Variants in PTPRG observed in about 807,000 individuals in gnomAD.
The protein encoded by PTPRG is receptor-type tyrosine-protein phosphatase gamma.
A neutral mutation model predicts 165.3 loss-of-function variants in PTPRG; 102 were observed. The ratio of observed to expected loss-of-function variants is 0.62; its 90% CI spans 0.53 to 0.73. The LOEUF (loss-of-function observed/expected upper bound fraction) is 0.73. Ranked by LOEUF, PTPRG falls within the 30% of genes least tolerant of loss-of-function variation. PTPRG has a pLI of 0.00. For missense variants in PTPRG, 1,866 were observed against 1,861.4 expected, an observed-to-expected ratio of 1.00 and a Z score of -0.05; for synonymous variants, 675 against 669.5, an observed-to-expected ratio of 1.01 and a Z score of -0.13.
At chr3:61,961,328 T>C (rs1336679004) in intron 2 of PTPRG, among the ~76,000 whole-genome samples, 1 of 152,212 alleles carries the variant, frequency 6.6e-6, no homozygotes, top group African/African-American at 2.4e-5. Flanking sequence ...GGTTGAAGTA[T>C]TAGGGACAGG....
chr3:62,000,318 A>G (rs2041143124), intron 3 of PTPRG, among the ~76,000 whole-genome samples: 1 of 151,080 alleles, frequency 6.6e-6, no homozygotes, highest in African/African-American at 2.4e-5. Flanking sequence ...CCAATTTGAT[A>G]GACTCCAAAT....
intron 2 of PTPRG, among the ~76,000 whole-genome samples, chr3:61,799,683 T>G (rs1024202377): frequency 6.6e-6 from 1 of 152,196 alleles, no homozygotes; most frequent in Non-Finnish European, 1.5e-5. Flanking sequence ...TCAACACAAT[T>G]TATGACCTTG....
chr3:61,988,137 C>A (rs957667480), intron 2 of PTPRG, among the ~76,000 whole-genome samples: 13 of 152,182 alleles, frequency 8.5e-5, no homozygotes, highest in African/African-American at 2.4e-4. Context: ...TGAACATGTT[C>A]ATTTGGATAG....
intron 2 of PTPRG, among the ~76,000 whole-genome samples, chr3:61,819,063 A>G (rs927168934): frequency 6.6e-6 from 1 of 152,226 alleles, no homozygotes; most frequent in African/African-American, 2.4e-5. Context: ...CTCTGTCACT[A>G]TAAGGAAAGG....
chr3:62,045,875 G>C (rs532321774), intron 4 of PTPRG, among the ~76,000 whole-genome samples: 1 of 152,184 alleles, frequency 6.6e-6, no homozygotes, highest in Non-Finnish European at 1.5e-5. Flanking sequence ...TCTTTGCATG[G>C]GCAAAGGTGA....
At chr3:62,174,951 C>G (rs982738352) in intron 8 of PTPRG, among the ~76,000 whole-genome samples, 1 of 152,130 alleles carries the variant, frequency 6.6e-6, no homozygotes, top group African/African-American at 2.4e-5. Flanking sequence ...TCAAAAATAA[C>G]TTTGATTTGT....
At chr3:61,811,653 C>T (rs144610770) in intron 2 of PTPRG, among the ~76,000 whole-genome samples, 1 of 152,268 alleles carries the variant, frequency 6.6e-6, no homozygotes, top group Non-Finnish European at 1.5e-5. Context: ...TTTCACAAAA[C>T]ACAACTTCAG....
chr3:61,733,556 A>G (rs2032602685), intron 1 of PTPRG, among the ~76,000 whole-genome samples: 1 of 152,242 alleles, frequency 6.6e-6, no homozygotes, highest in Admixed American at 6.5e-5. Context: ...GTGCTAAAGA[A>G]GCATTACCTA....
intron 1 of PTPRG, among the ~76,000 whole-genome samples, chr3:61,586,419 G>A (rs557888318): frequency 6.6e-6 from 1 of 152,330 alleles, no homozygotes; most frequent in Non-Finnish European, 1.5e-5. Context: ...GGCAACCAGT[G>A]AGCACCTTCC....
At chr3:61,985,018 A>G (rs958665067) in intron 2 of PTPRG, among the ~76,000 whole-genome samples, 1 of 152,234 alleles carries the variant, frequency 6.6e-6, no homozygotes, top group African/African-American at 2.4e-5. Flanking sequence ...CAGATGTCCA[A>G]GATAGCCATG....
intron 2 of PTPRG, among the ~76,000 whole-genome samples, chr3:61,815,024 G>T (rs1181539852): frequency 6.6e-6 from 1 of 151,924 alleles, no homozygotes; most frequent in Admixed American, 6.6e-5. Context: ...GGCTGCCTCA[G>T]ACTCAGGTTT....
chr3:61,729,873 A>G (rs578181411), intron 1 of PTPRG, among the ~76,000 whole-genome samples: 1 of 152,054 alleles, frequency 6.6e-6, no homozygotes, highest in Non-Finnish European at 1.5e-5. Context: ...TATTGCTTTC[A>G]TTATCAGAAA....
chr3:62,053,057 T>C (rs752917160), intron 4 of PTPRG, among the ~76,000 whole-genome samples: 3 of 152,116 alleles, frequency 2.0e-5, no homozygotes, highest in Non-Finnish European at 4.4e-5. Flanking sequence ...CCAGTTTCAA[T>C]AGTGTTTGAC....
At chr3:61,790,764 T>C (rs1243899261) in intron 2 of PTPRG, among the ~76,000 whole-genome samples, 1 of 151,838 alleles carries the variant, frequency 6.6e-6, no homozygotes, top group African/African-American at 2.4e-5. Context: ...TTTTTTTGGT[T>C]TGGTAATTTT....
chr3:61,834,429 C>T (rs920828099), intron 2 of PTPRG, among the ~76,000 whole-genome samples: 1 of 152,128 alleles, frequency 6.6e-6, no homozygotes, highest in African/African-American at 2.4e-5. Flanking sequence ...GGTACAGTGG[C>T]ATGTACCTGT....
intron 2 of PTPRG, among the ~76,000 whole-genome samples, chr3:61,887,166 ATATATT>A (rs1251781649): frequency 2.0e-5 from 2 of 99,276 alleles, no homozygotes; most frequent in African/African-American, 3.5e-5. Context: ...ATATATATAT[ATATATT>A]TTTAATGCCA....
At chr3:61,833,533 T>C (rs2036368973) in intron 2 of PTPRG, among the ~76,000 whole-genome samples, 1 of 152,120 alleles carries the variant, frequency 6.6e-6, no homozygotes, top group African/African-American at 2.4e-5. Context: ...TTCACTTGCT[T>C]TCCTCATTCC....
chr3:61,896,015 C>T (rs1161258014), intron 2 of PTPRG, among the ~76,000 whole-genome samples: 1 of 152,004 alleles, frequency 6.6e-6, no homozygotes, highest in African/African-American at 2.4e-5. Flanking sequence ...GGATATAGTC[C>T]ACTGATCTTC....
At chr3:61,812,299 CATTCATTCATTT>C (rs2035608418) in intron 2 of PTPRG, among the ~76,000 whole-genome samples, 1 of 143,898 alleles carries the variant, frequency 6.9e-6, no homozygotes. Flanking sequence ...TTCATTCATT[CATTCATTCATTT>C]TGTCAATCCA....
Sources: allele counts gnomAD v4.1 joint callset (sites outside exome capture counted in the v4.1 genomes callset), GRCh38; gene constraint gnomAD v4.1.1; transcripts MANE v1.5; gene names NCBI Gene and HGNC (gene_info 2026-07-23, HGNC 2026-07-21).